EPHA6: variants seen among roughly 807,000 people sequenced by gnomAD.
EPHA6 encodes ephrin type-A receptor 6.
Under a neutral mutation model 112.0 loss-of-function variants are expected in EPHA6, and 50 were observed. The observed-to-expected ratio is 0.45, with a 90% CI of 0.36 to 0.56. The LOEUF is 0.56. Ranked by LOEUF, EPHA6 falls within the 20% of genes least tolerant of loss-of-function variation. EPHA6 has a pLI of 0.00. For synonymous variants in EPHA6, 529 were observed against 490.7 expected (o/e 1.08, Z -1.03); for missense variants, 1,280 against 1,417.4 (o/e 0.90, Z 1.56).
At chr3:97,736,202 A>G in intron 16 of EPHA6, 84 bp downstream of exon 16, 1 of 1,095,668 alleles carries the variant, frequency 9.1e-7, no homozygotes, top group Non-Finnish European at 1.3e-6. Context: ...GGTAGAAAGG[A>G]AAAAAATGCC....
At chr3:97,435,588 G>A (rs2089782095) in intron 6 of EPHA6, among the ~76,000 whole-genome samples, 1 of 152,102 alleles carries the variant, frequency 6.6e-6, no homozygotes, top group African/African-American at 2.4e-5. Context: ...ATTTCTGCCT[G>A]ACCAAGGAAA....
intron 7 of EPHA6, 25 bp from the exon 8 acceptor site, chr3:97,475,327 T>C: frequency 6.4e-7 from 1 of 1,561,722 alleles, no homozygotes; most frequent in East Asian, 2.3e-5. Flanking sequence ...CCCAGGGAAA[T>C]TTTAATATTG....
intron 10 of EPHA6, among the ~76,000 whole-genome samples, chr3:97,503,509 A>T (rs970930588): frequency 5.9e-5 from 9 of 152,214 alleles, no homozygotes; most frequent in African/African-American, 1.4e-4. Flanking sequence ...AACACAAAGC[A>T]TGCACCAAAG....
intron 3 of EPHA6, among the ~76,000 whole-genome samples, chr3:97,018,184 A>C (rs2044330169): frequency 6.6e-6 from 1 of 151,874 alleles, no homozygotes; most frequent in Non-Finnish European, 1.5e-5. Flanking sequence ...TAGAATTCTG[A>C]ATTTCTTCTC....
intron 3 of EPHA6, among the ~76,000 whole-genome samples, chr3:97,073,898 G>A (rs1045096087): frequency 2.6e-5 from 4 of 151,608 alleles, no homozygotes; most frequent in African/African-American, 9.7e-5. Flanking sequence ...CTCACTATTG[G>A]GATAATTTAC....
chr3:97,075,670 A>G (rs1338688611), intron 3 of EPHA6, among the ~76,000 whole-genome samples: 1 of 150,522 alleles, frequency 6.6e-6, no homozygotes, highest in Admixed American at 6.6e-5. Flanking sequence ...ATCTCATTTC[A>G]TTGTGCTCAC....
chr3:97,658,415 A>G (rs1471128698), intron 14 of EPHA6, among the ~76,000 whole-genome samples: 1 of 150,986 alleles, frequency 6.6e-6, no homozygotes, highest in East Asian at 1.9e-4. Flanking sequence ...TTAAACTATG[A>G]TATAACTATA....
intron 3 of EPHA6, among the ~76,000 whole-genome samples, chr3:97,186,732 T>C (rs1411631293): frequency 7.2e-5 from 11 of 152,112 alleles, no homozygotes. Context: ...ATTTTTGTTT[T>C]CCTTTGAAAA....
intron 6 of EPHA6, among the ~76,000 whole-genome samples, chr3:97,440,182 A>G (rs536137421): frequency 6.6e-6 from 1 of 152,286 alleles, no homozygotes; most frequent in South Asian, 2.1e-4. Flanking sequence ...CAAAGAATTT[A>G]AAGATTAATT....
intron 3 of EPHA6, among the ~76,000 whole-genome samples, chr3:97,114,443 G>T (rs1159008064): frequency 6.6e-6 from 1 of 151,878 alleles, no homozygotes; most frequent in Non-Finnish European, 1.5e-5. Context: ...TCTTCCCATG[G>T]TTATGCCACA....
chr3:96,896,572 G>A (rs2107557119), intron 2 of EPHA6, among the ~76,000 whole-genome samples: 1 of 152,296 alleles, frequency 6.6e-6, no homozygotes, highest in African/African-American at 2.4e-5. Context: ...GTCTCAGCAA[G>A]CCTGTGGCAT....
At chr3:97,552,573 A>T (rs1243527972) in intron 11 of EPHA6, among the ~76,000 whole-genome samples, 1 of 152,176 alleles carries the variant, frequency 6.6e-6, no homozygotes, top group African/African-American at 2.4e-5. Context: ...TCTCTCTTTT[A>T]AAAAAGGACA....
At chr3:97,406,521 C>G (rs900085209) in intron 6 of EPHA6, among the ~76,000 whole-genome samples, 1 of 152,110 alleles carries the variant, frequency 6.6e-6, no homozygotes, top group African/African-American at 2.4e-5. Context: ...CTTAAAGGTT[C>G]CATCTCTTGA....
intron 3 of EPHA6, among the ~76,000 whole-genome samples, chr3:97,212,430 C>T (rs1420544302): frequency 1.3e-5 from 2 of 151,956 alleles, no homozygotes; most frequent in African/African-American, 4.8e-5. Context: ...GTATTATTAC[C>T]AGATTATATT....
chr3:97,230,508 G>T (rs1193953055), intron 4 of EPHA6, among the ~76,000 whole-genome samples: 2 of 152,130 alleles, frequency 1.3e-5, no homozygotes, highest in African/African-American at 4.8e-5. Context: ...TAGAAGCAAA[G>T]AAAGGTTTAA....
intron 5 of EPHA6, among the ~76,000 whole-genome samples, chr3:97,381,932 C>A (rs973463380): frequency 2.0e-5 from 3 of 152,014 alleles, no homozygotes; most frequent in African/African-American, 7.2e-5. Context: ...TGTTCCCATT[C>A]AGTTATAGAT....
At chr3:97,169,033 A>G (rs2108420778) in intron 3 of EPHA6, among the ~76,000 whole-genome samples, 1 of 152,236 alleles carries the variant, frequency 6.6e-6, no homozygotes, top group South Asian at 2.1e-4. Context: ...GGCATCTTAC[A>G]TTGGTGTAGG....
intron 5 of EPHA6, among the ~76,000 whole-genome samples, chr3:97,271,206 G>A (rs1188220758): frequency 1.3e-5 from 2 of 152,206 alleles, no homozygotes; most frequent in African/African-American, 4.8e-5. Context: ...CTTATAATTA[G>A]CCTGATACAC....
At chr3:97,330,397 A>G (rs1048849708) in intron 5 of EPHA6, among the ~76,000 whole-genome samples, 5 of 152,134 alleles carry the variant, frequency 3.3e-5, no homozygotes, top group Non-Finnish European at 7.4e-5. Context: ...GAATCTATAA[A>G]TTACCTTGGG....
Sources: gnomAD v4.1 joint callset for allele counts (sites outside exome capture counted in the v4.1 genomes callset) on GRCh38, gnomAD v4.1.1 for gene constraint, MANE v1.5 for transcripts, NCBI Gene and HGNC (gene_info 2026-07-23, HGNC 2026-07-21) for gene names.